Variants in SORBS3 observed in about 807,000 individuals in gnomAD.
SORBS3 encodes the protein vinexin.
Under a neutral mutation model 98.0 loss-of-function variants are expected in SORBS3, and 69 were observed. That is an observed-to-expected ratio of 0.70 (90% CI 0.58 to 0.86). SORBS3 has a LOEUF of 0.86. Among genes scored for constraint, SORBS3 ranks in the 40% least tolerant of loss-of-function variants. The pLI is 0.00. For synonymous variants in SORBS3, 394 were observed against 355.4 expected, an observed-to-expected ratio of 1.11 and a Z score of -1.22; for missense variants, 954 against 908.5, an observed-to-expected ratio of 1.05 and a Z score of -0.64.
intron 5 of SORBS3, chr8:22,560,976 TG>T (rs1439918088): frequency 8.6e-6 from 2 of 231,914 alleles, no homozygotes; most frequent in Non-Finnish European, 1.7e-5. Context: ...TCTTGGCAAA[TG>T]GGGAAGGAAA....
chr8:22,574,026 G>A (rs751678044), intron 20 of SORBS3, among the ~76,000 whole-genome samples: 15 of 152,186 alleles, frequency 9.9e-5, no homozygotes, highest in Non-Finnish European at 1.8e-4. Flanking sequence ...TGGGTCCCCA[G>A]TGACTCCATC....
At position 22,567,151 on chromosome 8, in the gene SORBS3, C is replaced by A; in HGVS notation, c.1281C>A (p.Gly427=). The change falls in exon 16 of 21, where the codon GGC becomes GGA. Residue 427 remains glycine, a synonymous_variant. Coordinates refer to ENST00000240123, the MANE Select transcript of SORBS3 (RefSeq NM_005775.5). ...AGGGAGAGCACCACGGCCGCCTGGG[C>A]ATCTTCCCTGCTAATTATGTGGAGG... ...WLEGEHHGRL[G]IFPANYVEVL... 1 of 1,590,514 alleles carries A rather than the reference C, an allele frequency of 6.3e-7. No individual in the cohort carries two copies. Among genetic ancestry groups the A allele is most frequent in the Non-Finnish European group, 8.6e-7 (1 of 1,165,470 alleles).
At chr8:22,549,971 T>C (rs1840057468), upstream of SORBS3, 3 of 985,078 alleles carry the variant, frequency 3.0e-6, no homozygotes, top group Non-Finnish European at 2.4e-6. Flanking sequence ...ATTCCTGGAG[T>C]CGGAAGAGCT....
intron 5 of SORBS3, among the ~76,000 whole-genome samples, chr8:22,558,923 G>C (rs1840239148): frequency 6.6e-6 from 1 of 152,242 alleles, no homozygotes; most frequent in South Asian, 2.1e-4. Flanking sequence ...GCATGTTCTG[G>C]ACGGGCAAGG....
At chr8:22,555,240 G>T (rs1840162913) in intron 3 of SORBS3, among the ~76,000 whole-genome samples, 3 of 152,196 alleles carry the variant, frequency 2.0e-5, no homozygotes. Flanking sequence ...AAGGAAGCGT[G>T]CAGGAGCCCT....
chr8:22,546,343 A>G (rs1840015881), intron 1 of SORBS3, among the ~76,000 whole-genome samples: 1 of 152,078 alleles, frequency 6.6e-6, no homozygotes, highest in African/African-American at 2.4e-5. Context: ...ATAATTCCAG[A>G]CCCCAGGAGA....
chr8:22,565,833 C>T lies in SORBS3; in HGVS notation c.911C>T (p.Pro304Leu). Residue 304 changes from proline to leucine, a missense_variant, in exon 12 of 21, where the codon CCG (proline) becomes CTG (leucine). Pro to Leu is a moderately conservative substitution (Grantham distance 98). Coordinates refer to ENST00000240123, the MANE Select transcript of SORBS3 (RefSeq NM_005775.5). Reference protein sequence around the residue: ...ETRLPSPKSSPAPRRAPEQRP... With the variant: ...ETRLPSPKSSLAPRRAPEQRP... ...CGCCGTTTCCCCGCGCAGAGCTCGC[C>T]GGCGCCCCGACGGGCCCCGGAGCAG... 3 of 1,303,518 alleles carry T rather than the reference C, an allele frequency of 2.3e-6. No individual in the cohort carries two copies. The highest frequency in any genetic ancestry group is 2.1e-5 in the South Asian group (1 of 47,574). 80.7% of individuals were successfully genotyped at this position (1,303,518 alleles called of 1,614,324 possible).
At chr8:22,573,939 C>T (rs1235787688) in intron 20 of SORBS3, among the ~76,000 whole-genome samples, 6 of 152,208 alleles carry the variant, frequency 3.9e-5, no homozygotes, top group Admixed American at 3.3e-4. Flanking sequence ...CCACCAGGCG[C>T]TCTCCCCAAG....
intron 5 of SORBS3, among the ~76,000 whole-genome samples, chr8:22,560,170 T>C (rs13277959): frequency 0.12 from 18,788 of 152,034 alleles, 1,261 homozygotes; most frequent in South Asian, 0.15. Context: ...TGGGAATAGA[T>C]GGCGTTTTAA....
chr8:22,566,787 C>A (rs778633123), intron 14 of SORBS3, 35 bp from the exon 15 acceptor site: 2 of 1,613,990 alleles, frequency 1.2e-6, no homozygotes, highest in Non-Finnish European at 1.7e-6. Flanking sequence ...ACCCGCCCAA[C>A]TGAGAGAGCC....
intron 19 of SORBS3, 36 bp downstream of exon 19, chr8:22,571,857 G>T (rs766770137): frequency 3.4e-6 from 5 of 1,460,204 alleles, no homozygotes; most frequent in African/African-American, 1.4e-5. Context: ...TCAGACGTGG[G>T]GGGGGTCACT....
At chr8:22,545,162 G>T (rs1840004102) in intron 1 of SORBS3, 1 of 152,358 alleles carries the variant, frequency 6.6e-6, no homozygotes, top group Non-Finnish European at 1.5e-5. Flanking sequence ...AGGCCCAGCA[G>T]TGGATTGAGG....
Position 22,574,821 on chromosome 8 carries a change from C to T in SORBS3, c.*93C>T, listed in dbSNP as rs756335968. ...AGGACCCCCGCCCACATCCTCCTTC[C>T]CCAGGACCTGAGCTCCCAGCATCTG... On this transcript the variant is annotated 3_prime_UTR_variant, in exon 21 of 21. Coordinates refer to ENST00000240123, the MANE Select transcript of SORBS3 (RefSeq NM_005775.5). 5.4e-5 allele frequency: 68 copies of T among 1,255,702 alleles called. No individual in the cohort carries two copies. Among genetic ancestry groups the T allele is most frequent in the Non-Finnish European group, 3.5e-6 (3 of 856,236 alleles). The allele number at this position is 1,255,702 out of a possible 1,614,324, so 77.8% of individuals were successfully genotyped here.
chr8:22,564,856 G>A, intron 10 of SORBS3: 1 of 1,262,130 alleles, frequency 7.9e-7, no homozygotes, highest in Non-Finnish European at 1.0e-6. Flanking sequence ...GCAGAGGCTG[G>A]CAGGAAGCAG....
At chr8:22,562,169 TCCTGGCCAGGAACG>T (rs1840311183) in intron 7 of SORBS3, among the ~76,000 whole-genome samples, 1 of 152,262 alleles carries the variant, frequency 6.6e-6, no homozygotes, top group Admixed American at 6.5e-5. Flanking sequence ...TGGCACCCGC[TCCTGGCCAGGAACG>T]CCTGTGATGC....
At chr8:22,563,446 A>AG (rs3834373) in intron 7 of SORBS3, among the ~76,000 whole-genome samples, 100,071 of 151,998 alleles carry the variant, frequency 0.66, 34,058 homozygotes, top group Admixed American at 0.74. Flanking sequence ...AACTAGGCCC[A>AG]GGGAGCAGAA....
At chr8:22,548,575 C>T (rs1463251202), upstream of SORBS3, among the ~76,000 whole-genome samples, 2 of 152,172 alleles carry the variant, frequency 1.3e-5, no homozygotes, top group East Asian at 3.9e-4. Flanking sequence ...CTCAAAGCAC[C>T]TGAAGTTCAT....
rs181962533 is a variant in SORBS3, at chr8:22,545,939, A to G, written n.144+810A>G. Among the ~76,000 whole-genome samples the G allele has an allele frequency of 3.1e-4, 47 of 152,186 alleles. No homozygotes were observed. The South Asian group carries it at 3.9e-3, about 13-fold the overall frequency. ...GTGACCCCCATAGCTGTTTTTCCCA[A>G]TAGTTCTGTCAGCAGGCATTTTCCA... On this transcript the variant is annotated intron_variant and non_coding_transcript_variant, in intron 1 of 4. Coordinates refer to the SORBS3 transcript ENST00000522037.
rs778618744 is a variant in SORBS3, at chr8:22,564,272, C to T, written c.676-11C>T. ...CTCTTCACAAGCTGACACCCACCCA[C>T]CTCCACGCAGGTGCTCAGACGCCGG... On this transcript the variant is annotated splice_polypyrimidine_tract_variant and intron_variant, in intron 8 of 20. Coordinates refer to ENST00000240123, the MANE Select transcript of SORBS3 (RefSeq NM_005775.5). The T allele has an allele frequency of 1.9e-6, 3 of 1,578,064 alleles. No individual in the cohort carries two copies. Among genetic ancestry groups the T allele is most frequent in the African/African-American group, 1.3e-5 (1 of 74,076 alleles).
Sources: gnomAD v4.1 joint callset for allele counts (sites outside exome capture counted in the v4.1 genomes callset) on GRCh38, gnomAD v4.1.1 for gene constraint, MANE v1.5 for transcripts, NCBI Gene and HGNC (gene_info 2026-07-23, HGNC 2026-07-21) for gene names.